ADARB2: variants seen among roughly 807,000 people sequenced by gnomAD.
The protein encoded by ADARB2 is inactive double-stranded RNA-specific editase B2.
ADARB2 carries 25 observed loss-of-function variants against 62.2 expected under a neutral mutation model. The observed-to-expected ratio is 0.40, with a 90% confidence interval of 0.29 to 0.56. ADARB2 has a LOEUF of 0.56. Among genes scored for constraint, ADARB2 ranks in the 20% least tolerant of loss-of-function variants. The pLI is 0.43. For missense variants in ADARB2, 1,071 were observed against 1,077.4 expected (o/e 0.99, Z 0.08); for synonymous variants, 572 against 500.8 (o/e 1.14, Z -1.90).
chr10:1,644,336 C>T (rs1436522506), intron 1 of ADARB2, among the ~76,000 whole-genome samples: 3 of 152,256 alleles, frequency 2.0e-5, no homozygotes, highest in Non-Finnish European at 4.4e-5. Context: ...TCCCCCTGTC[C>T]CCGGGCGTCT....
chr10:1,485,459 G>C (rs532198899), intron 1 of ADARB2, among the ~76,000 whole-genome samples: 8 of 152,158 alleles, frequency 5.3e-5, no homozygotes, highest in African/African-American at 1.9e-4. Context: ...GGCAGCATGT[G>C]GGGGGATATG....
At chr10:1,396,626 GAGTGCAGGCTTCCTGGGTCACTGTCCT>G (rs1832616747) in intron 1 of ADARB2, among the ~76,000 whole-genome samples, 1 of 150,162 alleles carries the variant, frequency 6.7e-6, no homozygotes, top group African/African-American at 2.5e-5. Context: ...CTCCCCTCCC[GAGTGCAGGCTTCCTGGGTCACTGTCCT>G]CCTCTCCCCT....
intron 3 of ADARB2, among the ~76,000 whole-genome samples, chr10:1,299,846 C>T (rs558703998): frequency 6.6e-5 from 10 of 152,326 alleles, no homozygotes; most frequent in Non-Finnish European, 1.2e-4. Context: ...GGAGGCCATG[C>T]GGACACCCTG....
chr10:1,444,457 C>T (rs1830943009), intron 1 of ADARB2, among the ~76,000 whole-genome samples: 1 of 150,126 alleles, frequency 6.7e-6, no homozygotes, highest in South Asian at 2.1e-4. Context: ...GATCATCCAT[C>T]TATCTACATT....
At chr10:1,586,224 G>C (rs1165940622) in intron 1 of ADARB2, among the ~76,000 whole-genome samples, 1 of 152,140 alleles carries the variant, frequency 6.6e-6, no homozygotes, top group Admixed American at 6.5e-5. Flanking sequence ...AATTATTAAA[G>C]TCTATTAACA....
At chr10:1,389,948 T>C (rs886485269) in intron 1 of ADARB2, among the ~76,000 whole-genome samples, 1 of 152,258 alleles carries the variant, frequency 6.6e-6, no homozygotes, top group East Asian at 1.9e-4. Flanking sequence ...CACTTCTAGA[T>C]ATTTAACCAA....
At chr10:1,505,882 T>A (rs1302339058) in intron 1 of ADARB2, among the ~76,000 whole-genome samples, 1 of 152,246 alleles carries the variant, frequency 6.6e-6, no homozygotes, top group Non-Finnish European at 1.5e-5. Flanking sequence ...AGTGAGTGCA[T>A]GACATCTCAC....
intron 1 of ADARB2, among the ~76,000 whole-genome samples, chr10:1,407,195 T>C (rs2805532): frequency 0.96 from 146,511 of 152,278 alleles, 70,741 homozygotes; most frequent in East Asian, 1. Context: ...GCGGACCCCA[T>C]ACTGATTTGC....
Position 1,319,994 on chromosome 10 carries a change from T to G in ADARB2, c.1077+43034A>C, listed in dbSNP as rs191083819. Among the ~76,000 whole-genome samples the G allele has an allele frequency of 5.9e-5, 9 of 152,326 alleles. No homozygotes were observed. The East Asian group carries it at 1.5e-3, about 26-fold the overall frequency. ...GCAGCCCACCAGCAGTGTGTGCACATAACACTATCCTCACCCTCTACAGCA... is the reference window on the plus strand; with the variant it reads ...GCAGCCCACCAGCAGTGTGTGCACAGAACACTATCCTCACCCTCTACAGCA... On this transcript the variant is annotated intron_variant, in intron 3 of 9. Coordinates refer to ENST00000381312, the MANE Select transcript of ADARB2 (RefSeq NM_018702.4).
chr10:1,701,914 C>T (rs554213191), intron 1 of ADARB2, among the ~76,000 whole-genome samples: 57 of 151,532 alleles, frequency 3.8e-4, no homozygotes, highest in Admixed American at 6.6e-5. Context: ...CCCACTCCAC[C>T]GGGAGACCAG....
intron 1 of ADARB2, chr10:1,556,710 A>C (rs748973798): frequency 1.9e-6 from 1 of 534,132 alleles, no homozygotes; most frequent in South Asian, 1.4e-5. Context: ...GGGCACATCC[A>C]CCCTGCCTGC....
At chr10:1,612,761 G>T (rs1833587751) in intron 1 of ADARB2, among the ~76,000 whole-genome samples, 1 of 152,158 alleles carries the variant, frequency 6.6e-6, no homozygotes, top group Non-Finnish European at 1.5e-5. Flanking sequence ...CATCCATGAG[G>T]TAACAATGGT....
At chr10:1,625,567 G>A (rs1776973115) in intron 1 of ADARB2, among the ~76,000 whole-genome samples, 1 of 152,156 alleles carries the variant, frequency 6.6e-6, no homozygotes, top group African/African-American at 2.4e-5. Flanking sequence ...CACAGGTGGA[G>A]GCCACAGAAC....
intron 1 of ADARB2, among the ~76,000 whole-genome samples, chr10:1,578,711 A>C (rs562310530): frequency 6.6e-6 from 1 of 151,112 alleles, no homozygotes; most frequent in Non-Finnish European, 1.5e-5. Context: ...GCTCATGCAC[A>C]CTCACACAGA....
At chr10:1,646,454 C>T (rs1384801920) in intron 1 of ADARB2, among the ~76,000 whole-genome samples, 1 of 152,182 alleles carries the variant, frequency 6.6e-6, no homozygotes, top group Non-Finnish European at 1.5e-5. Context: ...GCAAATCAGA[C>T]ATTGAAAGAA....
intron 1 of ADARB2, among the ~76,000 whole-genome samples, chr10:1,587,013 C>T (rs770381060): frequency 1.1e-4 from 17 of 152,296 alleles, no homozygotes; most frequent in Non-Finnish European, 1.6e-4. Context: ...AGTCTATAAA[C>T]GTGCACTCAA....
chr10:1,378,194 C>T (rs1258248423), intron 2 of ADARB2, among the ~76,000 whole-genome samples: 1 of 152,214 alleles, frequency 6.6e-6, no homozygotes, highest in Non-Finnish European at 1.5e-5. Context: ...TGGATCCTCA[C>T]CCCTGCAGTC....
At chr10:1,606,530 T>C (rs1219476247) in intron 1 of ADARB2, among the ~76,000 whole-genome samples, 2 of 152,016 alleles carry the variant, frequency 1.3e-5, no homozygotes, top group Non-Finnish European at 2.9e-5. Context: ...GATGAATCCA[T>C]CAAGCCTGTG....
At chr10:1,573,095 G>T (rs1832962364) in intron 1 of ADARB2, among the ~76,000 whole-genome samples, 1 of 152,238 alleles carries the variant, frequency 6.6e-6, no homozygotes, top group Admixed American at 6.5e-5. Flanking sequence ...AGGGCTTTGG[G>T]CTTCAGTTCA....
Sources: allele counts gnomAD v4.1 joint callset (sites outside exome capture counted in the v4.1 genomes callset), GRCh38; gene constraint gnomAD v4.1.1; transcripts MANE v1.5; gene names NCBI Gene and HGNC (gene_info 2026-07-23, HGNC 2026-07-21).